Variants in ANTXR2 observed in about 807,000 individuals in gnomAD.
The protein encoded by ANTXR2 is ANTXR cell adhesion molecule 2, also known as anthrax toxin receptor 2.
In ANTXR2, 44 loss-of-function variants were observed where a neutral mutation model predicts 73.7. The observed-to-expected ratio is 0.60, with a 90% CI of 0.47 to 0.77. ANTXR2 has a LOEUF of 0.77. Among genes scored for constraint, ANTXR2 ranks in the 30% least tolerant of loss-of-function variants. ANTXR2 has a pLI of 0.00. For missense variants in ANTXR2, 604 were observed against 592.5 expected, an observed-to-expected ratio of 1.02 and a Z score of -0.20; for synonymous variants, 217 against 205.9, an observed-to-expected ratio of 1.05 and a Z score of -0.46.
chr4:80,049,047 C>G (rs1201412288), intron 7 of ANTXR2, among the ~76,000 whole-genome samples: 1 of 151,516 alleles, frequency 6.6e-6, no homozygotes, highest in Non-Finnish European at 1.5e-5. Flanking sequence ...GTTCTCAATT[C>G]TTTTGGACAA....
rs1024940551 is a variant in ANTXR2 at position 80,054,372 on chromosome 4, A to G, written c.556-20T>C. 6.4e-7 allele frequency: 1 copy of G among 1,551,272 alleles called. No homozygotes were observed. Among genetic ancestry groups the G allele is most frequent in the Admixed American group, 1.9e-5 (1 of 52,160 alleles). On this transcript the variant is annotated intron_variant, in intron 6 of 16. Coordinates refer to ENST00000403729, the MANE Select transcript of ANTXR2 (RefSeq NM_058172.6). ...TTCAAGCTTTAGAAAGAAGAGGAAG[A>G]CTTAATTAAGGAGTGGCTGACACAT... is the stretch of plus-strand genomic sequence containing the variant.
chr4:80,056,078 A>T (rs1213583274), intron 3 of ANTXR2, 65 bp from the exon 4 acceptor site: 1 of 1,134,768 alleles, frequency 8.8e-7, no homozygotes, highest in Non-Finnish European at 1.2e-6. Flanking sequence ...AACACTTCTT[A>T]AAAAACATGG....
At chr4:80,024,659 G>A (rs749472683) in intron 10 of ANTXR2, 124 of 447,332 alleles carry the variant, frequency 2.8e-4, no homozygotes, top group Middle Eastern at 8.0e-4. Flanking sequence ...CTACTCAGGA[G>A]GCTGAAGTAG....
chr4:80,040,902 C>T (rs1253801239), intron 7 of ANTXR2, among the ~76,000 whole-genome samples: 1 of 151,890 alleles, frequency 6.6e-6, no homozygotes, highest in African/African-American at 2.4e-5. Flanking sequence ...ACCTTATTAC[C>T]TAATCCCTAG....
At chr4:79,946,359 G>A (rs1196245314) in intron 16 of ANTXR2, among the ~76,000 whole-genome samples, 1 of 152,154 alleles carries the variant, frequency 6.6e-6, no homozygotes, top group Non-Finnish European at 1.5e-5. Flanking sequence ...ACCCATTTCT[G>A]TGAAATGCAG....
chr4:79,931,656 T>C (rs978505564), intron 16 of ANTXR2, among the ~76,000 whole-genome samples: 1 of 152,162 alleles, frequency 6.6e-6, no homozygotes, highest in Non-Finnish European at 1.5e-5. Flanking sequence ...GCAGTGCACT[T>C]ACAGGAAGTC....
intron 16 of ANTXR2, among the ~76,000 whole-genome samples, chr4:79,936,028 C>T (rs1728245703): frequency 6.6e-6 from 1 of 152,080 alleles, no homozygotes; most frequent in African/African-American, 2.4e-5. Flanking sequence ...GATTCCATTC[C>T]AAAGTTGTAA....
intron 14 of ANTXR2, among the ~76,000 whole-genome samples, chr4:79,981,676 C>T (rs1729896728): frequency 6.6e-6 from 1 of 152,128 alleles, no homozygotes; most frequent in South Asian, 2.1e-4. Context: ...TAGTTCCAAT[C>T]ATTTCAGATA....
In ANTXR2 at chr4:80,015,583, T is replaced by C. The variant is rs193267206; in HGVS notation, c.945+3315A>G. ...GTGTGTCCAAAGCTCTTTAAAACCA[T>C]ATTATTATTTATTGGAGTCAGACCT... On this transcript the variant is annotated intron_variant, in intron 11 of 16. Coordinates refer to ENST00000403729, the MANE Select transcript of ANTXR2 (RefSeq NM_058172.6). Among the ~76,000 whole-genome samples the C allele has an allele frequency of 5.4e-4, 82 of 151,982 alleles. 2 individuals carry two copies. In the South Asian group the frequency reaches 0.01, roughly 19 times the overall value.
chr4:80,072,376 C>A, intron 1 of ANTXR2, 33 bp downstream of exon 1: 1 of 1,555,800 alleles, frequency 6.4e-7, no homozygotes, highest in Non-Finnish European at 8.7e-7. Flanking sequence ...GCCGCCCTCA[C>A]CAGGAGACCC....
intron 12 of ANTXR2, among the ~76,000 whole-genome samples, chr4:79,997,622 T>A (rs897162925): frequency 1.3e-5 from 2 of 152,030 alleles, no homozygotes; most frequent in African/African-American, 4.8e-5. Flanking sequence ...ATGATTCAAG[T>A]TATCTCATCC....
At chr4:79,993,760 G>GCGCGCACGCACACACACA (rs71662888) in intron 12 of ANTXR2, among the ~76,000 whole-genome samples, 3 of 140,770 alleles carry the variant, frequency 2.1e-5, no homozygotes, top group East Asian at 4.2e-4. Flanking sequence ...ACACACACAC[G>GCGCGCACGCACACACACA]CACACACACA....
chr4:80,019,026 G>T, intron 10 of ANTXR2, 50 bp from the exon 11 acceptor site: 1 of 1,243,412 alleles, frequency 8.0e-7, no homozygotes, highest in Non-Finnish European at 1.1e-6. Context: ...AACCAGAGGA[G>T]TAGGAGATTT....
chr4:79,955,375 C>T (rs1445747832), intron 16 of ANTXR2, among the ~76,000 whole-genome samples: 1 of 152,006 alleles, frequency 6.6e-6, no homozygotes, highest in Admixed American at 6.6e-5. Context: ...AAATACTATG[C>T]AGAATATATG....
At chr4:80,060,393 T>C (rs1560429200) in intron 3 of ANTXR2, among the ~76,000 whole-genome samples, 2 of 152,184 alleles carry the variant, frequency 1.3e-5, no homozygotes, top group East Asian at 3.9e-4. Flanking sequence ...ATTTTAAAAC[T>C]TTCTTGTGTT....
chr4:80,072,734 G>T lies in ANTXR2; in HGVS notation c.-174C>A. On this transcript the variant is annotated 5_prime_UTR_variant, in exon 1 of 17. Transcript: ENST00000403729. The stretch of plus-strand genomic sequence containing the variant: ...CAGCTGACAGGGAGGGAGAGAGGGA[G>T]GTCCTGAGAGGACAAAGGGAGTCTC... 1 of 1,332,338 alleles carries T rather than the reference G, an allele frequency of 7.5e-7. No homozygotes were observed. Among genetic ancestry groups the T allele is most frequent in the Non-Finnish European group, 9.6e-7 (1 of 1,046,142 alleles). The allele number at this position is 1,332,338 out of a possible 1,614,324, so 82.5% of individuals were successfully genotyped here.
chr4:80,023,956 A>G (rs777477280), intron 10 of ANTXR2, among the ~76,000 whole-genome samples: 17 of 152,232 alleles, frequency 1.1e-4, no homozygotes, highest in Non-Finnish European at 2.2e-4. Context: ...TTTTACAAAT[A>G]TCATTCTTGT....
At chr4:79,950,198 T>G (rs1199577708) in intron 16 of ANTXR2, among the ~76,000 whole-genome samples, 1 of 152,204 alleles carries the variant, frequency 6.6e-6, no homozygotes, top group Non-Finnish European at 1.5e-5. Context: ...CTATATCATC[T>G]CTATTCATAT....
chr4:79,923,594 A>G (rs1727670799), intron 16 of ANTXR2, among the ~76,000 whole-genome samples: 1 of 152,100 alleles, frequency 6.6e-6, no homozygotes, highest in African/African-American at 2.4e-5. Context: ...GAGACAGAAA[A>G]GATGGGGATG....
Sources: allele counts gnomAD v4.1 joint callset (sites outside exome capture counted in the v4.1 genomes callset), GRCh38; gene constraint gnomAD v4.1.1; transcripts MANE v1.5; gene names NCBI Gene and HGNC (gene_info 2026-07-23, HGNC 2026-07-21).